Variants in GPCPD1 observed in about 807,000 individuals in gnomAD.
GPCPD1 encodes glycerophosphocholine phosphodiesterase GPCPD1.
A neutral mutation model predicts 89.2 loss-of-function variants in GPCPD1; 29 were observed. The observed-to-expected ratio is 0.33, with a 90% CI of 0.24 to 0.44. The LOEUF (loss-of-function observed/expected upper bound fraction) is 0.44, where lower values mean the gene tolerates loss of function less well. Among genes scored for constraint, GPCPD1 ranks in the 20% least tolerant of loss-of-function variants. GPCPD1 has a pLI of 1.00. For synonymous variants in GPCPD1, 258 were observed against 266.3 expected (o/e 0.97, Z 0.30); for missense variants, 594 against 808.9 (o/e 0.73, Z 3.22).
chr20:5,579,645 T>C (rs761457838), intron 7 of GPCPD1, among the ~76,000 whole-genome samples: 25 of 152,188 alleles, frequency 1.6e-4, no homozygotes, highest in Non-Finnish European at 2.2e-4. Flanking sequence ...ACTGCACCCA[T>C]TGGCCTCCCA....
intron 13 of GPCPD1, 49 bp from the exon 14 acceptor site, chr20:5,566,821 T>C (rs1469130547): frequency 1.7e-6 from 2 of 1,188,856 alleles, no homozygotes; most frequent in East Asian, 2.3e-5. Context: ...CCTTAGCTTA[T>C]GAAGAGATGG....
rs1403896014 is a variant in GPCPD1, at chr20:5,597,622, ACTTGTATG to A, written c.146+1095_146+1102del. ...AATCACCTAATCGGGCACTGGATATACTTGTATGCTATTTAGGAAAACCTATAACACTT... is the reference window on the plus strand; with the variant it reads ...AATCACCTAATCGGGCACTGGATATACTATTTAGGAAAACCTATAACACTT... On this transcript the variant is annotated intron_variant, in intron 3 of 19. Transcript: ENST00000379019. Among the ~76,000 whole-genome samples, 44 of 152,326 alleles carry A rather than the reference ACTTGTATG, an allele frequency of 2.9e-4. 1 individual carries two copies. The highest frequency in any genetic ancestry group is 2.7e-3 in the Admixed American group (42 of 15,290).
At chr20:5,576,040 TAC>T (rs36119025) in intron 8 of GPCPD1, 62 bp from the exon 9 acceptor site, 133,061 of 559,668 alleles carry the variant, frequency 0.24, 9,001 homozygotes, top group East Asian at 0.4. Flanking sequence ...TACATACATA[TAC>T]ACACACACAC....
intron 19 of GPCPD1, 91 bp downstream of exon 19, chr20:5,557,854 T>C: frequency 1.4e-6 from 1 of 731,796 alleles, no homozygotes; most frequent in Admixed American, 3.0e-5. Flanking sequence ...TGCAGAATTT[T>C]AACTTAACTA....
At chr20:5,554,601 AC>A (rs536164327) in intron 19 of GPCPD1, among the ~76,000 whole-genome samples, 11 of 152,254 alleles carry the variant, frequency 7.2e-5, no homozygotes, top group Non-Finnish European at 1.3e-4. Flanking sequence ...GTTGAGACGT[AC>A]GGCTCAGGAA....
intron 14 of GPCPD1, 42 bp downstream of exon 14, chr20:5,566,691 C>T (rs766957701): frequency 5.0e-6 from 6 of 1,210,702 alleles, no homozygotes; most frequent in African/African-American, 4.5e-5. Context: ...CCTATTAATG[C>T]TAACTACAAA....
In GPCPD1 at chr20:5,575,490, T is replaced by C. The variant is rs1379890515; in HGVS notation, c.924A>G (p.Ser308=). The change falls in exon 10 of 20, where the codon TCA becomes TCG. Residue 308 remains serine, a synonymous_variant. Coordinates refer to ENST00000379019, the MANE Select transcript of GPCPD1 (RefSeq NM_019593.5). ...LPGYSCDMKS[S]FSKYWKPRIP... ...TTCTTGGCTTCCAATACTTGGAAAATGAAGATTTCATGTCACAACTGTATC... is the reference window on the plus strand; with the variant it reads ...TTCTTGGCTTCCAATACTTGGAAAACGAAGATTTCATGTCACAACTGTATC... 1.3e-6 allele frequency: 2 copies of C among 1,597,562 alleles called. No individual in the cohort carries two copies. The highest frequency in any genetic ancestry group is 2.2e-5 in the South Asian group (2 of 90,730).
rs11479995 is a variant in GPCPD1, at chr20:5,581,814, CTTTTTTTTTTT to C, written c.350-1694_350-1684del. On this transcript the variant is annotated intron_variant, in intron 6 of 19. Transcript: ENST00000379019. ...ATGCTTAATAATTGTGGGACTTTAA[CTTTTTTTTTTT>C]TTTTTTTTTTTTTTTTTTTTTTGCA... 8.8e-4 allele frequency among the ~76,000 whole-genome samples: 66 copies of C among 75,032 alleles called. 1 individual carries two copies. In the South Asian group the frequency reaches 0.014, roughly 15 times the overall value. The allele number at this position is 75,032 out of a possible 152,430, so 49.2% of individuals were successfully genotyped here.
chr20:5,591,576 C>A (rs891517844), intron 4 of GPCPD1, among the ~76,000 whole-genome samples: 2 of 152,188 alleles, frequency 1.3e-5, no homozygotes, highest in African/African-American at 4.8e-5. Flanking sequence ...GTTTTCCTAT[C>A]ATTCTTTATA....
At chr20:5,554,048 A>C (rs1568641330) in intron 19 of GPCPD1, among the ~76,000 whole-genome samples, 1 of 135,886 alleles carries the variant, frequency 7.4e-6, no homozygotes, top group Non-Finnish European at 1.6e-5. Flanking sequence ...TGCTCACTGC[A>C]AGCTCCGACT....
rs527942190 is a variant in GPCPD1 at position 5,544,925 on chromosome 20, A to G, written c.*2736T>C. The G allele has an allele frequency of 1.3e-5, 2 of 152,306 alleles. No individual in the cohort carries two copies. Among genetic ancestry groups the G allele is most frequent in the East Asian group, 3.9e-4 (2 of 5,160 alleles). The allele number at this position is 152,306 out of a possible 1,614,324, so 9.4% of individuals were successfully genotyped here. Reference sequence around the variant, plus strand: ...CGACAGACAAGTGTCACAAGGAGCAACGGCAGAGAGGTGGGTGGGTGGCAG... The same window carrying G: ...CGACAGACAAGTGTCACAAGGAGCAGCGGCAGAGAGGTGGGTGGGTGGCAG... On this transcript the variant is annotated 3_prime_UTR_variant, in exon 20 of 20. Coordinates refer to ENST00000379019, the MANE Select transcript of GPCPD1 (RefSeq NM_019593.5).
Position 5,566,764 on chromosome 20 carries a change from A to G in GPCPD1, c.1236T>C (p.His412=), listed in dbSNP as rs1986414644. Residue 412 remains histidine, a synonymous_variant, in exon 14 of 20, where the codon CAT becomes CAC. Coordinates refer to ENST00000379019, the MANE Select transcript of GPCPD1 (RefSeq NM_019593.5). ...FDQLQLLKLT[H]VTALKSKDRK... ...GATCCTTAGATTTCAGTGCAGTCAC[A>G]TGAGTGAGCTAGAAAGCACACAAAC... The G allele has an allele frequency of 1.9e-6, 3 of 1,584,652 alleles. No homozygotes were observed. Among genetic ancestry groups the G allele is most frequent in the African/African-American group, 1.3e-5 (1 of 74,336 alleles).
chr20:5,594,568 A>ACTGGT, intron 3 of GPCPD1, among the ~76,000 whole-genome samples: 1 of 151,968 alleles, frequency 6.6e-6, no homozygotes, highest in South Asian at 2.1e-4. Context: ...CTGGGATTAC[A>ACTGGT]GGCATGAGCC....
intron 8 of GPCPD1, among the ~76,000 whole-genome samples, chr20:5,577,906 C>T (rs1311529159): frequency 1.3e-5 from 2 of 152,206 alleles, no homozygotes; most frequent in Non-Finnish European, 2.9e-5. Flanking sequence ...TTGTCAATAA[C>T]CTGGCACAAG....
At chr20:5,574,241 A>G (rs1054218720) in intron 10 of GPCPD1, 2 of 403,036 alleles carry the variant, frequency 5.0e-6, no homozygotes, top group African/African-American at 4.1e-5. Context: ...TCTTGGAGAC[A>G]TGTAAAGTGA....
intron 1 of GPCPD1, among the ~76,000 whole-genome samples, 169 bp from the exon 2 acceptor site, chr20:5,604,609 T>TGG (rs1980417873): frequency 2.2e-4 from 2 of 9,064 alleles, no homozygotes; most frequent in African/African-American, 1.7e-3. Flanking sequence ...GTAACTTTAG[T>TGG]GCGGGGGGGG....
chr20:5,555,224 T>C (rs1166705287), intron 19 of GPCPD1, among the ~76,000 whole-genome samples: 1 of 152,210 alleles, frequency 6.6e-6, no homozygotes, highest in East Asian at 1.9e-4. Context: ...TTTGAGAAGA[T>C]GGACTCCAAT....
intron 6 of GPCPD1, among the ~76,000 whole-genome samples, chr20:5,582,205 A>AAC (rs1978576584): frequency 7.0e-6 from 1 of 142,396 alleles, no homozygotes; most frequent in Non-Finnish European, 1.5e-5. Context: ...AAAAAAAAAA[A>AAC]AAAAAAAAAA....
At chr20:5,559,266 A>C (rs968153327) in intron 17 of GPCPD1, among the ~76,000 whole-genome samples, 1 of 152,192 alleles carries the variant, frequency 6.6e-6, no homozygotes, top group African/African-American at 2.4e-5. Context: ...CCCATTTCTC[A>C]GCTAAAACCA....
Sources: allele counts gnomAD v4.1 joint callset (sites outside exome capture counted in the v4.1 genomes callset), GRCh38; gene constraint gnomAD v4.1.1; transcripts MANE v1.5; gene names NCBI Gene and HGNC (gene_info 2026-07-23, HGNC 2026-07-21).